Variants in CD300A observed in about 807,000 individuals in gnomAD.
The protein encoded by CD300A is CD300a molecule.
Under a neutral mutation model 33.6 loss-of-function variants are expected in CD300A, and 22 were observed. The ratio of observed to expected loss-of-function variants is 0.66; its 90% CI spans 0.47 to 0.94. CD300A has a LOEUF of 0.94. CD300A is among the 40% of genes least tolerant of loss of function. The probability of loss-of-function intolerance (pLI) is 0.00; values close to 1 mark genes in which losing one functional copy is unlikely to be tolerated. For missense variants in CD300A, 326 were observed against 360.5 expected, an observed-to-expected ratio of 0.90 and a Z score of 0.77; for synonymous variants, 136 against 148.1, an observed-to-expected ratio of 0.92 and a Z score of 0.59.
intron 5 of CD300A, 78 bp downstream of exon 5, chr17:74,481,404 A>G: frequency 2.2e-6 from 3 of 1,359,508 alleles, no homozygotes; most frequent in Non-Finnish European, 3.1e-6. Flanking sequence ...GGACAGTCCC[A>G]TCGGCCAACG....
chr17:74,471,216 T>C (rs1428105137), intron 1 of CD300A, among the ~76,000 whole-genome samples: 1 of 152,270 alleles, frequency 6.6e-6, no homozygotes, highest in Non-Finnish European at 1.5e-5. Flanking sequence ...TGTGTTTTTC[T>C]AGAAAATAAC....
chr17:74,472,554 A>G (rs189684062), intron 1 of CD300A, among the ~76,000 whole-genome samples: 1 of 152,288 alleles, frequency 6.6e-6, no homozygotes, highest in Admixed American at 6.5e-5. Context: ...GAGCTGGGCA[A>G]ACTAAGGTAA....
At chr17:74,472,646 GTCAC>G (rs1567978895) in intron 1 of CD300A, among the ~76,000 whole-genome samples, 1 of 148,520 alleles carries the variant, frequency 6.7e-6, no homozygotes, top group African/African-American at 2.5e-5. Context: ...GTCTCACCCT[GTCAC>G]TCAGGCTGGA....
chr17:74,478,665 T>A (rs372863554), intron 4 of CD300A, among the ~76,000 whole-genome samples: 2 of 152,168 alleles, frequency 1.3e-5, no homozygotes, highest in Admixed American at 6.5e-5. Flanking sequence ...AGGCAGAAGA[T>A]TCTCAGGGGA....
chr17:74,468,680 G>A (rs1448167523), intron 1 of CD300A, among the ~76,000 whole-genome samples: 1 of 151,880 alleles, frequency 6.6e-6, no homozygotes, highest in African/African-American at 2.4e-5. Context: ...TTTGGAGACA[G>A]AATCTCACTC....
At position 74,474,615 on chromosome 17, in the gene CD300A, A is replaced by G. The variant is rs745506428; in HGVS notation, c.463A>G (p.Thr155Ala). 1.2e-6 allele frequency: 2 copies of G among 1,613,806 alleles called. No individual in the cohort carries two copies. The highest frequency in any genetic ancestry group is 2.7e-5 in the African/African-American group (2 of 74,898). The change falls in exon 3 of 7, where the codon ACC (threonine) becomes GCC (alanine). Residue 155 changes from threonine (T) to alanine (A), a missense_variant. Transcript: ENST00000360141. Reference protein sequence around the residue: ...TTAFPPVSSTTLFAVGATHSA... With the variant: ...TTAFPPVSSTALFAVGATHSA... The stretch of plus-strand genomic sequence containing the variant: ...TGCATTTCCACCTGTATCATCCACT[A>G]CCCTGTTTGCAGTGGGTGCCACCCA...
In CD300A at chr17:74,473,641, G is replaced by A. The variant is rs759956656; in HGVS notation, c.146G>A (p.Trp49Ter). 1 of 1,614,094 alleles carries A rather than the reference G, an allele frequency of 6.2e-7. No individual in the cohort carries two copies. Among genetic ancestry groups the A allele is most frequent in the Non-Finnish European group, 8.5e-7 (1 of 1,180,054 alleles). Residue 49 changes from tryptophan (W) to a stop codon, truncating the protein, a stop_gained, in exon 2 of 7, where the codon TGG becomes TAG. Coordinates refer to ENST00000360141, the MANE Select transcript of CD300A (RefSeq NM_007261.4). LOFTEE classifies it high-confidence loss of function. ...EKEHRTLNKY[W>*]CRPPQIFLCD... ...GAACACAGGACCCTCAACAAATACT[G>A]GTGCAGACCACCACAGATTTTCCTA...
At position 74,472,686 on chromosome 17, in the gene CD300A, C is replaced by T. The variant is rs1017926461; in HGVS notation, c.41-850C>T. Reference sequence around the variant, plus strand: ...GTGCAGTGGTGCCATCTCAGCTCAACATAACCTCCGCCTCCAGGGTTGAAG... The same window carrying T: ...GTGCAGTGGTGCCATCTCAGCTCAATATAACCTCCGCCTCCAGGGTTGAAG... On this transcript the variant is annotated intron_variant, in intron 1 of 6. Transcript: ENST00000360141. 4.0e-5 allele frequency among the ~76,000 whole-genome samples: 6 copies of T among 151,350 alleles called. No homozygotes were observed. The South Asian group carries it at 1.3e-3, about 32-fold the overall frequency.
chr17:74,482,697 C>CCTTCCTTTCTTTCTTT (rs760621763), intron 6 of CD300A, among the ~76,000 whole-genome samples: 1 of 130,132 alleles, frequency 7.7e-6, no homozygotes, highest in Non-Finnish European at 1.5e-5. Context: ...TTCCTTCCTT[C>CCTTCCTTTCTTTCTTT]CTTTCTTTCT....
In CD300A at chr17:74,484,204, G is replaced by A. The variant is rs956884103; in HGVS notation, c.*78G>A. The A allele has an allele frequency of 3.1e-5, 47 of 1,501,970 alleles. No homozygotes were observed. The African/African-American group carries it at 3.7e-4, about 12-fold the overall frequency. The allele number at this position is 1,501,970 out of a possible 1,614,324, so 93.0% of individuals were successfully genotyped here. The stretch of plus-strand genomic sequence containing the variant: ...GACAGCTCCCTTATACCTGGCCCAC[G>A]TCCTTCTCAGCCTGCCCTCGACAAC... On this transcript the variant is annotated 3_prime_UTR_variant, in exon 7 of 7. Transcript: ENST00000360141.
chr17:74,466,377 G>A (rs1905706596), upstream of CD300A: 1 of 306,340 alleles, frequency 3.3e-6, no homozygotes. Flanking sequence ...CCACTAGGAG[G>A]AGACCCGGGG....
Position 74,484,239 on chromosome 17 carries a change from C to A in CD300A, c.*113C>A. ...GCCTGCCCTCGACAACAGTGACCAA[C>A]AGACAGGCAGCTGGGTTTCCCAGGC... is the stretch of plus-strand genomic sequence containing the variant. On this transcript the variant is annotated 3_prime_UTR_variant, in exon 7 of 7. Coordinates refer to ENST00000360141, the MANE Select transcript of CD300A (RefSeq NM_007261.4). 2 of 1,180,362 alleles carry A rather than the reference C, an allele frequency of 1.7e-6. No individual in the cohort carries two copies. Among genetic ancestry groups the A allele is most frequent in the Non-Finnish European group, 2.4e-6 (2 of 840,828 alleles). The allele number at this position is 1,180,362 out of a possible 1,614,324, so 73.1% of individuals were successfully genotyped here.
chr17:74,466,448 A>G (rs1360277099), upstream of CD300A: 5 of 571,534 alleles, frequency 8.7e-6, no homozygotes, highest in Non-Finnish European at 1.6e-5. Context: ...AGGTCTCATC[A>G]CTAGAAATAG....
At chr17:74,472,344 T>C (rs1215954560) in intron 1 of CD300A, among the ~76,000 whole-genome samples, 2 of 152,096 alleles carry the variant, frequency 1.3e-5, no homozygotes, top group African/African-American at 4.8e-5. Context: ...TACAAGGGCA[T>C]TGAGACACTG....
intron 1 of CD300A, among the ~76,000 whole-genome samples, chr17:74,472,352 C>T (rs544373476): frequency 1.2e-4 from 18 of 152,310 alleles, no homozygotes; most frequent in Admixed American, 5.2e-4. Context: ...CATTGAGACA[C>T]TGCACACACA....
chr17:74,474,739 C>G lies in CD300A; in HGVS notation c.533+54C>G. 2.5e-6 allele frequency: 4 copies of G among 1,587,640 alleles called. No homozygotes were observed. The Admixed American group carries it at 6.9e-5, about 27-fold the overall frequency. Reference sequence around the variant, plus strand: ...GGGGGCCCTGTGCTAAGAGGAGGAGCCCAGGGCGGGGACCTTGGCCATGTG... The same window carrying G: ...GGGGGCCCTGTGCTAAGAGGAGGAGGCCAGGGCGGGGACCTTGGCCATGTG... On this transcript the variant is annotated intron_variant, in intron 3 of 6. Transcript: ENST00000360141.
At position 74,466,733 on chromosome 17, in the gene CD300A, C is replaced by A. The variant is rs1905732517; in HGVS notation, c.30C>A (p.Leu10=). 6.3e-7 allele frequency: 1 copy of A among 1,594,638 alleles called. No individual in the cohort carries two copies. Among genetic ancestry groups the A allele is most frequent in the African/African-American group, 1.3e-5 (1 of 74,738 alleles). The change falls in exon 1 of 7, where the codon CTC becomes CTA. Residue 10 remains leucine (L), a synonymous_variant. Transcript: ENST00000360141. MWLPWALLL[L]WVPGCFALSK... is the part of the protein sequence containing the mutation. ...GGCTGCCTTGGGCTCTGTTGCTTCT[C>A]TGGGTCCCAGGTGAGAGTTTCCCTT... is the stretch of plus-strand genomic sequence containing the variant.
intron 1 of CD300A, 21 bp downstream of exon 1, chr17:74,466,764 G>C (rs1018449719): frequency 1.3e-6 from 2 of 1,579,140 alleles, no homozygotes; most frequent in Non-Finnish European, 1.7e-6. Context: ...CCCTTCCCGG[G>C]AAAGTCTGCG....
At chr17:74,477,625 A>C in intron 4 of CD300A, 95 bp downstream of exon 4, 1 of 762,804 alleles carries the variant, frequency 1.3e-6, no homozygotes, top group Non-Finnish European at 2.2e-6. Flanking sequence ...GTCCCACAGT[A>C]TTGCTATGAC....
Sources: allele counts gnomAD v4.1 joint callset (sites outside exome capture counted in the v4.1 genomes callset), GRCh38; gene constraint gnomAD v4.1.1; transcripts MANE v1.5; gene names NCBI Gene and HGNC (gene_info 2026-07-23, HGNC 2026-07-21).